Variants in TSHZ2 observed in about 807,000 individuals in gnomAD.
The protein encoded by TSHZ2 is teashirt homolog 2.
In TSHZ2, 21 loss-of-function variants were observed where a neutral mutation model predicts 74.4. The observed-to-expected ratio is 0.28, with a 90% CI of 0.20 to 0.41. The LOEUF (loss-of-function observed/expected upper bound fraction) is 0.41. Among genes scored for constraint, TSHZ2 ranks in the 10% least tolerant of loss-of-function variants. The pLI is 1.00. For synonymous variants in TSHZ2, 540 were observed against 515.3 expected, an observed-to-expected ratio of 1.05 and a Z score of -0.65; for missense variants, 1,244 against 1,293.5, an observed-to-expected ratio of 0.96 and a Z score of 0.59.
chr20:53,389,825 T>TA (rs1274782332), intron 2 of TSHZ2, among the ~76,000 whole-genome samples: 1 of 152,198 alleles, frequency 6.6e-6, no homozygotes, highest in Non-Finnish European at 1.5e-5. Context: ...AGCTGCTAAA[T>TA]ATCTTACAAT....
chr20:53,482,513 C>T (rs1986181806), intron 2 of TSHZ2, among the ~76,000 whole-genome samples: 1 of 152,194 alleles, frequency 6.6e-6, no homozygotes, highest in African/African-American at 2.4e-5. Context: ...GGTTTTCACA[C>T]AGGAATCTGT....
At chr20:53,265,793 G>A (rs2123748350) in intron 2 of TSHZ2, among the ~76,000 whole-genome samples, 1 of 152,288 alleles carries the variant, frequency 6.6e-6, no homozygotes, top group East Asian at 1.9e-4. Context: ...TTCTTATTCT[G>A]AACGTCCCAC....
chr20:53,312,152 A>G (rs1468780491), intron 2 of TSHZ2, among the ~76,000 whole-genome samples: 1 of 152,198 alleles, frequency 6.6e-6, no homozygotes, highest in Non-Finnish European at 1.5e-5. Flanking sequence ...ACAAGCCTAC[A>G]GTAAGGGAAG....
chr20:53,077,257 C>CA (rs5841927), intron 1 of TSHZ2, among the ~76,000 whole-genome samples: 66 of 150,954 alleles, frequency 4.4e-4, no homozygotes, highest in East Asian at 9.8e-4. Flanking sequence ...TACTAAAATA[C>CA]AAAAAAAAAA....
At chr20:53,050,141 G>GTATA (rs1197922223) in intron 1 of TSHZ2, among the ~76,000 whole-genome samples, 4 of 76,434 alleles carry the variant, frequency 5.2e-5, no homozygotes, top group East Asian at 6.3e-4. Context: ...ATATATATGT[G>GTATA]TATATATATA....
rs1457328820 is a variant in TSHZ2, at chr20:53,371,884, AAAAAG to A, written c.*9-115255_*9-115251del. Reference sequence around the variant, plus strand: ...AGAGAGACTCCGTCTCAAAAAAAAAAAAAAGAAAAAAAAAAGAGTCAGCAGGACAT... The same window carrying A: ...AGAGAGACTCCGTCTCAAAAAAAAAAAAAAAAAAAAGAGTCAGCAGGACAT... On this transcript the variant is annotated intron_variant, in intron 2 of 2. Coordinates refer to ENST00000371497, the MANE Select transcript of TSHZ2 (RefSeq NM_173485.6). Among the ~76,000 whole-genome samples the A allele has an allele frequency of 1.8e-3, 270 of 150,620 alleles. 1 individual carries two copies. The highest frequency in any genetic ancestry group is 6.2e-3 in the African/African-American group (251 of 40,274).
At chr20:53,204,345 CATG>C (rs1252867457) in intron 1 of TSHZ2, among the ~76,000 whole-genome samples, 6 of 136,322 alleles carry the variant, frequency 4.4e-5, no homozygotes, top group Non-Finnish European at 9.8e-5. Flanking sequence ...CATCATATAA[CATG>C]ATGATATGAT....
chr20:53,169,721 C>A (rs1988148529), intron 1 of TSHZ2, among the ~76,000 whole-genome samples: 1 of 152,160 alleles, frequency 6.6e-6, no homozygotes, highest in Non-Finnish European at 1.5e-5. Flanking sequence ...TATATCAGTT[C>A]TTCACAGTGT....
intron 1 of TSHZ2, among the ~76,000 whole-genome samples, chr20:53,148,111 A>G (rs1319361950): frequency 6.6e-6 from 1 of 152,230 alleles, no homozygotes; most frequent in Non-Finnish European, 1.5e-5. Context: ...TGTCTTTTGG[A>G]AAGTCTCTAA....
intron 1 of TSHZ2, among the ~76,000 whole-genome samples, chr20:53,164,850 C>A (rs574784331): frequency 1.3e-5 from 2 of 152,212 alleles, no homozygotes; most frequent in African/African-American, 4.8e-5. Context: ...AACATTATTT[C>A]CATAAGGAAT....
chr20:53,080,609 A>T (rs114792889), intron 1 of TSHZ2, among the ~76,000 whole-genome samples: 1,905 of 152,042 alleles, frequency 0.013, 50 homozygotes, highest in African/African-American at 0.044. Context: ...GGAATGTGCA[A>T]CCTAGATCCC....
chr20:53,140,564 AGAG>A (rs1350745193), intron 1 of TSHZ2, among the ~76,000 whole-genome samples: 10 of 141,416 alleles, frequency 7.1e-5, no homozygotes, highest in Admixed American at 2.9e-4. Context: ...AAAAAAAAAA[AGAG>A]GGACAGTCAC....
At chr20:52,993,877 C>G (rs1443636923) in intron 1 of TSHZ2, among the ~76,000 whole-genome samples, 1 of 152,142 alleles carries the variant, frequency 6.6e-6, no homozygotes. Flanking sequence ...AGTAAAAGGC[C>G]ACCCTTGCCT....
intron 1 of TSHZ2, among the ~76,000 whole-genome samples, chr20:53,055,325 T>C (rs1338512077): frequency 1.3e-5 from 2 of 152,180 alleles, no homozygotes; most frequent in South Asian, 2.1e-4. Context: ...TCCAAAGTAG[T>C]CCACATCCAG....
intron 1 of TSHZ2, among the ~76,000 whole-genome samples, chr20:53,182,313 A>G (rs903856867): frequency 4.7e-5 from 7 of 149,632 alleles, no homozygotes; most frequent in African/African-American, 1.7e-4. Flanking sequence ...TCTCCCTTCA[A>G]TATTTAGTAA....
chr20:53,474,132 G>A (rs1165596486), intron 2 of TSHZ2, among the ~76,000 whole-genome samples: 8 of 149,588 alleles, frequency 5.3e-5, no homozygotes, highest in African/African-American at 1.5e-4. Context: ...GCAGGCCAAC[G>A]TTCAGATTCA....
At chr20:53,439,286 C>A (rs756048994) in intron 2 of TSHZ2, among the ~76,000 whole-genome samples, 2 of 152,132 alleles carry the variant, frequency 1.3e-5, no homozygotes, top group Admixed American at 6.5e-5. Context: ...ATCCTTCCAT[C>A]TGGAGTCAGT....
intron 1 of TSHZ2, among the ~76,000 whole-genome samples, chr20:53,246,133 A>G (rs887005873): frequency 4.7e-5 from 7 of 150,206 alleles, no homozygotes; most frequent in Non-Finnish European, 7.4e-5. Context: ...TCCGCCTCCC[A>G]TGTTCAAGTG....
intron 2 of TSHZ2, among the ~76,000 whole-genome samples, chr20:53,378,049 A>G (rs1266208215): frequency 6.6e-6 from 1 of 152,190 alleles, no homozygotes; most frequent in Non-Finnish European, 1.5e-5. Flanking sequence ...GATAAAAATA[A>G]TAGAACCTAG....
Sources: gnomAD v4.1 joint callset for allele counts (sites outside exome capture counted in the v4.1 genomes callset) on GRCh38, gnomAD v4.1.1 for gene constraint, MANE v1.5 for transcripts, NCBI Gene and HGNC (gene_info 2026-07-23, HGNC 2026-07-21) for gene names.